Variants in ENPP2 observed in about 807,000 individuals in gnomAD.
ENPP2 encodes ectonucleotide pyrophosphatase/phosphodiesterase 2.
ENPP2 carries 51 observed loss-of-function variants against 120.2 expected under a neutral mutation model. The observed-to-expected ratio is 0.42, with a 90% CI of 0.34 to 0.54. The LOEUF is 0.54. Ranked by LOEUF, ENPP2 falls within the 20% of genes least tolerant of loss-of-function variation. The pLI, the probability that ENPP2 is intolerant of heterozygous loss-of-function variation, is 0.04. For synonymous variants in ENPP2, 365 were observed against 366.4 expected (o/e 1.00, Z 0.04); for missense variants, 920 against 1,066.5 (o/e 0.86, Z 1.91).
intron 1 of ENPP2, among the ~76,000 whole-genome samples, chr8:119,645,853 C>T (rs1817431348): frequency 6.6e-6 from 1 of 151,898 alleles, no homozygotes; most frequent in Admixed American, 6.6e-5. Context: ...AACTGCTCTT[C>T]CTGTTTGTAC....
chr8:119,652,042 A>G (rs967748330), intron 1 of ENPP2, among the ~76,000 whole-genome samples: 1 of 152,194 alleles, frequency 6.6e-6, no homozygotes, highest in African/African-American at 2.4e-5. Context: ...AAAAAATACC[A>G]TAAACTGGGT....
At chr8:119,626,977 A>G (rs6469836) in intron 2 of ENPP2, among the ~76,000 whole-genome samples, 45,763 of 152,078 alleles carry the variant, frequency 0.3, 7,127 homozygotes, top group East Asian at 0.47. Context: ...CATGTAAAAC[A>G]CTTAGCCGCA....
chr8:119,584,458 A>T (rs1812968236), intron 15 of ENPP2, among the ~76,000 whole-genome samples: 2 of 152,108 alleles, frequency 1.3e-5, no homozygotes, highest in Non-Finnish European at 2.9e-5. Flanking sequence ...TTGGCACTTT[A>T]AAAAAATGTG....
At chr8:119,617,634 A>C (rs1815562521) in intron 5 of ENPP2, 71 bp from the exon 6 acceptor site, 3 of 1,037,712 alleles carry the variant, frequency 2.9e-6, no homozygotes, top group Non-Finnish European at 4.4e-6. Flanking sequence ...GTGATTCTCA[A>C]TAATGGGAGC....
intron 8 of ENPP2, among the ~76,000 whole-genome samples, chr8:119,614,060 A>AACT (rs1168330065): frequency 6.8e-6 from 1 of 146,072 alleles, no homozygotes; most frequent in East Asian, 2.0e-4. Context: ...CTCCTGGGAA[A>AACT]TCTTTTTTTT....
intron 2 of ENPP2, among the ~76,000 whole-genome samples, chr8:119,629,914 C>A (rs1242233968): frequency 1.3e-5 from 2 of 152,054 alleles, no homozygotes; most frequent in African/African-American, 4.8e-5. Flanking sequence ...ATTTCAACAG[C>A]GTTCTAGTAA....
intron 1 of ENPP2, among the ~76,000 whole-genome samples, chr8:119,660,911 C>T (rs1175022220): frequency 6.6e-6 from 1 of 152,146 alleles, no homozygotes; most frequent in Non-Finnish European, 1.5e-5. Context: ...AAACCTTCAA[C>T]AGAGTGAGAA....
chr8:119,596,246 TC>T (rs1459264800), intron 11 of ENPP2, among the ~76,000 whole-genome samples: 1 of 152,162 alleles, frequency 6.6e-6, no homozygotes, highest in African/African-American at 2.4e-5. Context: ...TTTAAGAAAA[TC>T]TAGTCATGTG....
At chr8:119,652,717 AGAT>A (rs1817661308) in intron 1 of ENPP2, among the ~76,000 whole-genome samples, 1 of 152,202 alleles carries the variant, frequency 6.6e-6, no homozygotes, top group Admixed American at 6.5e-5. Context: ...CCTGAATCAC[AGAT>A]GTAAGATATG....
At chr8:119,623,833 C>A (rs945897361) in intron 3 of ENPP2, among the ~76,000 whole-genome samples, 2 of 152,094 alleles carry the variant, frequency 1.3e-5, no homozygotes, top group Non-Finnish European at 2.9e-5. Context: ...ATCATGCTGG[C>A]CAGGCTGGTC....
upstream of ENPP2, among the ~76,000 whole-genome samples, chr8:119,643,244 T>A (rs1817335898): frequency 6.6e-6 from 1 of 152,160 alleles, no homozygotes; most frequent in Admixed American, 6.5e-5. Context: ...TGCAAAAGGA[T>A]TTACTAGTCT....
chr8:119,596,347 G>A (rs916486370), intron 11 of ENPP2, among the ~76,000 whole-genome samples: 25 of 152,292 alleles, frequency 1.6e-4, no homozygotes, highest in African/African-American at 6.0e-4. Flanking sequence ...GGAGAGACTG[G>A]TCTTTGGTTA....
chr8:119,590,254 A>C (rs1252232174), intron 13 of ENPP2, among the ~76,000 whole-genome samples: 1 of 152,224 alleles, frequency 6.6e-6, no homozygotes, highest in Non-Finnish European at 1.5e-5. Flanking sequence ...ATATAATGCT[A>C]CTATGTGCCA....
chr8:119,656,927 T>G (rs1817779769), intron 1 of ENPP2, among the ~76,000 whole-genome samples: 1 of 152,068 alleles, frequency 6.6e-6, no homozygotes, highest in Admixed American at 6.6e-5. Flanking sequence ...TTTATTTTAT[T>G]TTATTTTTAT....
chr8:119,672,715 C>A (rs1818287157), intron 1 of ENPP2, among the ~76,000 whole-genome samples: 1 of 152,208 alleles, frequency 6.6e-6, no homozygotes, highest in African/African-American at 2.4e-5. Context: ...CTTTGTGGAG[C>A]CTGCGATCGG....
chr8:119,640,789 C>T (rs374602051), upstream of ENPP2, among the ~76,000 whole-genome samples: 9 of 152,040 alleles, frequency 5.9e-5, no homozygotes, highest in African/African-American at 2.2e-4. Context: ...ACTCTTGTTG[C>T]CCAGGCTGGA....
chr8:119,594,858 A>G (rs528674203), intron 11 of ENPP2, among the ~76,000 whole-genome samples: 1 of 152,340 alleles, frequency 6.6e-6, no homozygotes, highest in East Asian at 1.9e-4. Flanking sequence ...CGGACACATA[A>G]TATTATCTTC....
At chr8:119,667,154 A>T (rs1056156271) in intron 1 of ENPP2, among the ~76,000 whole-genome samples, 1 of 152,132 alleles carries the variant, frequency 6.6e-6, no homozygotes, top group Non-Finnish European at 1.5e-5. Context: ...CCACCCAACA[A>T]AGGACTGGAT....
chr8:119,631,399 G>A (rs4871419), intron 2 of ENPP2, among the ~76,000 whole-genome samples: 43,368 of 150,636 alleles, frequency 0.29, 6,573 homozygotes, highest in Middle Eastern at 0.44. Context: ...TGTATTTTTA[G>A]TACAGACCGG....
Sources: gnomAD v4.1 joint callset for allele counts (sites outside exome capture counted in the v4.1 genomes callset) on GRCh38, gnomAD v4.1.1 for gene constraint, MANE v1.5 for transcripts, NCBI Gene and HGNC (gene_info 2026-07-23, HGNC 2026-07-21) for gene names.